The following OSBPL10 variants were observed in gnomAD, a reference collection of about 807,000 sequenced individuals.
OSBPL10 encodes oxysterol binding protein like 10.
Under a neutral mutation model 81.7 loss-of-function variants are expected in OSBPL10, and 49 were observed. That is an observed-to-expected ratio of 0.60 (90% CI 0.48 to 0.76). The LOEUF is 0.76. OSBPL10 is among the 30% of genes least tolerant of loss of function. The probability of loss-of-function intolerance (pLI) is 0.00; values close to 1 mark genes in which losing one functional copy is unlikely to be tolerated. For missense variants in OSBPL10, 923 were observed against 987.8 expected, an observed-to-expected ratio of 0.93 and a Z score of 0.88; for synonymous variants, 419 against 383.6, an observed-to-expected ratio of 1.09 and a Z score of -1.08.
At chr3:31,698,600 T>G (rs1559421573) in intron 7 of OSBPL10, among the ~76,000 whole-genome samples, 1 of 152,108 alleles carries the variant, frequency 6.6e-6, no homozygotes, top group Non-Finnish European at 1.5e-5. Flanking sequence ...TCTCACCAAC[T>G]TACTCTCCTG....
chr3:31,799,378 T>TAA (rs1559470518), intron 4 of OSBPL10, among the ~76,000 whole-genome samples: 6 of 26,942 alleles, frequency 2.2e-4, no homozygotes, highest in African/African-American at 4.4e-4. Context: ...CCCTATCTCT[T>TAA]TAAAAAAAAA....
At chr3:31,872,456 T>G (rs1222705391) in intron 3 of OSBPL10, among the ~76,000 whole-genome samples, 182 of 151,186 alleles carry the variant, frequency 1.2e-3, no homozygotes, top group South Asian at 6.3e-3. Flanking sequence ...GTTGTTGTTT[T>G]TTTTTTTTTT....
chr3:32,041,602 G>C (rs540128877), intron 2 of OSBPL10, among the ~76,000 whole-genome samples: 23 of 152,148 alleles, frequency 1.5e-4, no homozygotes, highest in Non-Finnish European at 3.1e-4. Context: ...TGCCTCTCTT[G>C]TGGAAGTGAT....
intron 4 of OSBPL10, among the ~76,000 whole-genome samples, chr3:31,809,869 CT>C (rs34795137): frequency 1.4e-3 from 137 of 98,616 alleles, no homozygotes; most frequent in Admixed American, 3.1e-3. Context: ...CCCCCTGACT[CT>C]TTTTTTTTTT....
intron 4 of OSBPL10, among the ~76,000 whole-genome samples, chr3:31,824,232 G>C (rs530171618): frequency 1.3e-5 from 2 of 152,084 alleles, no homozygotes. Flanking sequence ...AGTGTTGACA[G>C]CTTGAACATA....
intron 7 of OSBPL10, among the ~76,000 whole-genome samples, chr3:31,687,974 G>T (rs1371677492): frequency 6.6e-6 from 1 of 151,674 alleles, no homozygotes; most frequent in Non-Finnish European, 1.5e-5. Context: ...AAGAGAATGG[G>T]ACATGAGCCC....
At chr3:31,895,603 A>G (rs1431974345) in intron 1 of OSBPL10, among the ~76,000 whole-genome samples, 1 of 152,130 alleles carries the variant, frequency 6.6e-6, no homozygotes, top group African/African-American at 2.4e-5. Flanking sequence ...ATGTAACTCC[A>G]TTACTCACAG....
In OSBPL10 at chr3:32,070,288, C is replaced by T. The variant is rs182341357; in HGVS notation, n.185+7108G>A. On this transcript the variant is annotated intron_variant and non_coding_transcript_variant, in intron 1 of 3. Coordinates refer to the OSBPL10 transcript ENST00000479173. ...TTCAAAACCCCTTAAAACTACCCCA[C>T]TCTGGTGCCAGCTTGGACAACATTC... Among the ~76,000 whole-genome samples the T allele has an allele frequency of 1.2e-3, 184 of 152,326 alleles. 2 individuals are homozygous for T. Among genetic ancestry groups the T allele is most frequent in the African/African-American group, 4.3e-3 (180 of 41,564 alleles).
At chr3:31,745,586 T>C (rs1403630371) in intron 5 of OSBPL10, among the ~76,000 whole-genome samples, 1 of 152,206 alleles carries the variant, frequency 6.6e-6, no homozygotes, top group Middle Eastern at 3.2e-3. Context: ...ACTGAGTGGT[T>C]GTTCTAGATT....
intron 2 of OSBPL10, among the ~76,000 whole-genome samples, chr3:32,032,455 G>T (rs1358878989): frequency 6.6e-6 from 1 of 151,816 alleles, no homozygotes; most frequent in Non-Finnish European, 1.5e-5. Context: ...TAAGTAAAAA[G>T]AAAAATGACA....
chr3:31,773,245 G>A (rs1028207464), intron 4 of OSBPL10, among the ~76,000 whole-genome samples: 37 of 151,908 alleles, frequency 2.4e-4, no homozygotes, highest in African/African-American at 9.0e-4. Context: ...CATTAACATA[G>A]AACTCACAGC....
At chr3:31,900,979 A>G (rs767423696) in intron 1 of OSBPL10, among the ~76,000 whole-genome samples, 1 of 152,250 alleles carries the variant, frequency 6.6e-6, no homozygotes, top group Non-Finnish European at 1.5e-5. Context: ...GGAAGCTGGG[A>G]AAATGCTGTG....
At chr3:31,974,112 C>A (rs1377322676) in intron 1 of OSBPL10, among the ~76,000 whole-genome samples, 3 of 152,154 alleles carry the variant, frequency 2.0e-5, no homozygotes, top group African/African-American at 7.2e-5. Context: ...AGACACCCAA[C>A]AGATAAATGG....
chr3:31,820,781 A>C (rs1180917299), intron 4 of OSBPL10, among the ~76,000 whole-genome samples: 1 of 152,136 alleles, frequency 6.6e-6, no homozygotes, highest in African/African-American at 2.4e-5. Flanking sequence ...TTAACTCCTA[A>C]GGAGATGGTG....
At chr3:32,038,335 T>C (rs1699539067) in intron 2 of OSBPL10, among the ~76,000 whole-genome samples, 1 of 152,224 alleles carries the variant, frequency 6.6e-6, no homozygotes, top group African/African-American at 2.4e-5. Flanking sequence ...TTTTCCTTTT[T>C]TTTCTTTTGA....
At chr3:31,853,331 C>A (rs1480237144) in intron 3 of OSBPL10, among the ~76,000 whole-genome samples, 1 of 152,058 alleles carries the variant, frequency 6.6e-6, no homozygotes, top group Non-Finnish European at 1.5e-5. Context: ...CAGTGTAGTT[C>A]CTGATAACCT....
chr3:31,728,323 A>G (rs1228248779), intron 6 of OSBPL10, among the ~76,000 whole-genome samples: 6 of 152,168 alleles, frequency 3.9e-5, no homozygotes, highest in Non-Finnish European at 8.8e-5. Flanking sequence ...ACAGTATGCT[A>G]TTGAGGAACA....
chr3:31,795,053 A>G (rs1424220858), intron 4 of OSBPL10: 3 of 198,440 alleles, frequency 1.5e-5, no homozygotes, highest in South Asian at 1.0e-4. Context: ...CACAATGTAG[A>G]GAAGACAAAC....
chr3:31,742,469 T>A (rs112706220), intron 5 of OSBPL10, among the ~76,000 whole-genome samples: 14,877 of 152,254 alleles, frequency 0.098, 979 homozygotes, highest in Non-Finnish European at 0.15. Context: ...TTCTCTCAAA[T>A]CTATTCTCTT....
Sources: allele counts gnomAD v4.1 joint callset (sites outside exome capture counted in the v4.1 genomes callset), GRCh38; gene constraint gnomAD v4.1.1; transcripts MANE v1.5; gene names NCBI Gene and HGNC (gene_info 2026-07-23, HGNC 2026-07-21).